The following PRKG1 variants were observed in gnomAD, a reference collection of about 807,000 sequenced individuals.
PRKG1 encodes protein kinase cGMP-dependent 1.
Under a neutral mutation model 88.1 loss-of-function variants are expected in PRKG1, and 35 were observed. The ratio of observed to expected loss-of-function variants is 0.40; its 90% CI spans 0.30 to 0.53. The LOEUF (loss-of-function observed/expected upper bound fraction) is 0.53, where lower values mean the gene tolerates loss of function less well. PRKG1 is among the 20% of genes least tolerant of loss of function. The probability of loss-of-function intolerance (pLI) is 0.59; values close to 1 mark genes in which losing one functional copy is unlikely to be tolerated. For missense variants in PRKG1, 540 were observed against 839.8 expected (o/e 0.64, Z 4.41); for synonymous variants, 303 against 292.5 (o/e 1.04, Z -0.37).
intron 2 of PRKG1, among the ~76,000 whole-genome samples, chr10:51,276,340 G>A (rs149702068): frequency 0.068 from 10,312 of 152,132 alleles, 1,049 homozygotes; most frequent in African/African-American, 0.22. Context: ...TATATGTGCC[G>A]CATTTTCTTA....
intron 8 of PRKG1, among the ~76,000 whole-genome samples, chr10:52,157,133 T>G (rs1323467492): frequency 6.6e-6 from 1 of 150,742 alleles, no homozygotes; most frequent in Non-Finnish European, 1.5e-5. Context: ...TTTAAAATGT[T>G]TATACAAAAT....
At chr10:52,034,867 C>G (rs10823992) in intron 5 of PRKG1, among the ~76,000 whole-genome samples, 107,236 of 151,982 alleles carry the variant, frequency 0.71, 38,060 homozygotes, top group South Asian at 0.79. Flanking sequence ...AGCTCAAATG[C>G]GCTGTACCCT....
chr10:52,026,535 T>G (rs4935306), intron 5 of PRKG1, among the ~76,000 whole-genome samples: 111,083 of 152,114 alleles, frequency 0.73, 40,873 homozygotes, highest in East Asian at 0.92. Context: ...ATACATTATT[T>G]GTTGCCCAAA....
intron 5 of PRKG1, among the ~76,000 whole-genome samples, chr10:51,933,489 A>C (rs188081273): frequency 6.6e-6 from 1 of 152,258 alleles, no homozygotes; most frequent in South Asian, 2.1e-4. Flanking sequence ...GGTGAACTTC[A>C]GGTCACAACA....
chr10:51,226,139 G>A (rs1281898428), intron 2 of PRKG1, among the ~76,000 whole-genome samples: 1 of 152,126 alleles, frequency 6.6e-6, no homozygotes, highest in Non-Finnish European at 1.5e-5. Flanking sequence ...GGGATTCAGA[G>A]GTTGCAGTGA....
At chr10:51,884,221 C>T (rs1422415988) in intron 4 of PRKG1, among the ~76,000 whole-genome samples, 3 of 150,638 alleles carry the variant, frequency 2.0e-5, no homozygotes, top group South Asian at 2.1e-4. Flanking sequence ...CCGAGACGGG[C>T]AGATCACGAG....
chr10:51,636,085 G>A (rs1472469042), intron 3 of PRKG1, among the ~76,000 whole-genome samples: 2 of 152,104 alleles, frequency 1.3e-5, no homozygotes, highest in Non-Finnish European at 1.5e-5. Context: ...CTGTTAGGTG[G>A]CTTGGTCTTA....
intron 2 of PRKG1, among the ~76,000 whole-genome samples, chr10:51,353,023 G>T (rs1842286908): frequency 1.3e-5 from 2 of 152,068 alleles, no homozygotes; most frequent in South Asian, 2.1e-4. Context: ...CTCAATAAAG[G>T]TGCCAAGAAC....
intron 3 of PRKG1, among the ~76,000 whole-genome samples, chr10:51,732,403 A>C (rs1194194057): frequency 6.6e-6 from 1 of 152,204 alleles, no homozygotes; most frequent in Admixed American, 6.5e-5. Flanking sequence ...AAAGGATAGT[A>C]AATAAACATA....
At position 51,765,815 on chromosome 10, in the gene PRKG1, ATTTTTTTTTTT is replaced by A. The variant is rs398046339; in HGVS notation, c.593-38755_593-38745del. Among the ~76,000 whole-genome samples, 339 of 134,654 alleles carry A rather than the reference ATTTTTTTTTTT, an allele frequency of 2.5e-3. 4 individuals carry two copies. The highest frequency in any genetic ancestry group is 8.3e-3 in the African/African-American group (310 of 37,488). The allele number at this position is 134,654 out of a possible 152,430, so 88.3% of individuals were successfully genotyped here. On this transcript the variant is annotated intron_variant, in intron 3 of 17. Transcript: ENST00000373980. ...CCTAAGTATGCTGTTGCCTTACATG[ATTTTTTTTTTT>A]TTTTTTTTTTTTTTACTTTATTAGT... is the stretch of plus-strand genomic sequence containing the variant.
At chr10:51,736,858 A>T (rs1837294310) in intron 3 of PRKG1, among the ~76,000 whole-genome samples, 1 of 151,516 alleles carries the variant, frequency 6.6e-6, no homozygotes, top group Non-Finnish European at 1.5e-5. Context: ...CTGGTCTTGA[A>T]TTCCTGGCCT....
At chr10:51,514,756 G>A (rs184656415) in intron 3 of PRKG1, among the ~76,000 whole-genome samples, 63 of 152,290 alleles carry the variant, frequency 4.1e-4, no homozygotes, top group Non-Finnish European at 7.1e-4. Flanking sequence ...GTCAAGAGTT[G>A]TACATCACAA....
chr10:52,201,357 T>C (rs1213955614), intron 9 of PRKG1, among the ~76,000 whole-genome samples: 2 of 152,174 alleles, frequency 1.3e-5, no homozygotes, highest in African/African-American at 4.8e-5. Flanking sequence ...GAAGATCAAA[T>C]GTTTATAGGT....
intron 2 of PRKG1, among the ~76,000 whole-genome samples, chr10:51,236,938 A>G (rs1487455915): frequency 1.3e-5 from 2 of 152,202 alleles, no homozygotes; most frequent in Non-Finnish European, 2.9e-5. Context: ...TCTGGTCACA[A>G]GGCTCTTCCT....
intron 3 of PRKG1, among the ~76,000 whole-genome samples, chr10:51,743,832 G>A (rs573365562): frequency 4.9e-5 from 7 of 142,480 alleles, no homozygotes; most frequent in Non-Finnish European, 1.1e-4. Flanking sequence ...TTACTGTTTA[G>A]CAAATGTAAC....
intron 5 of PRKG1, among the ~76,000 whole-genome samples, chr10:51,973,732 AT>A (rs1288731739): frequency 6.6e-6 from 1 of 152,104 alleles, no homozygotes; most frequent in Non-Finnish European, 1.5e-5. Flanking sequence ...ACTTTTCCTT[AT>A]ATCTCATAGA....
chr10:51,957,063 A>G (rs73339224), intron 5 of PRKG1, among the ~76,000 whole-genome samples: 48,274 of 116,082 alleles, frequency 0.42, 8,716 homozygotes, highest in East Asian at 0.66. Flanking sequence ...CTCCCTCCCC[A>G]TCTCCTCTCT....
intron 5 of PRKG1, among the ~76,000 whole-genome samples, chr10:52,036,565 A>C (rs1230478775): frequency 6.6e-6 from 1 of 152,058 alleles, no homozygotes; most frequent in Non-Finnish European, 1.5e-5. Context: ...TAACGGGTGC[A>C]TGATTGGTCG....
chr10:50,998,270 T>A (rs1842855577), intron 1 of PRKG1, among the ~76,000 whole-genome samples: 1 of 152,200 alleles, frequency 6.6e-6, no homozygotes, highest in Non-Finnish European at 1.5e-5. Context: ...TTAACATCTG[T>A]AACTCCTGTT....
Sources: gnomAD v4.1 joint callset for allele counts (sites outside exome capture counted in the v4.1 genomes callset) on GRCh38, gnomAD v4.1.1 for gene constraint, MANE v1.5 for transcripts, NCBI Gene and HGNC (gene_info 2026-07-23, HGNC 2026-07-21) for gene names.